TENM3: variants seen among roughly 807,000 people sequenced by gnomAD.
TENM3 encodes the protein teneurin transmembrane protein 3.
Under a neutral mutation model 255.1 loss-of-function variants are expected in TENM3, and 63 were observed. That is an observed-to-expected ratio of 0.25 (90% CI 0.20 to 0.30). The LOEUF (loss-of-function observed/expected upper bound fraction) is 0.30, where lower values mean the gene tolerates loss of function less well. TENM3 is among the 10% of genes least tolerant of loss of function. The probability of loss-of-function intolerance (pLI) is 1.00; values close to 1 mark genes in which losing one functional copy is unlikely to be tolerated. For missense variants in TENM3, 2,929 were observed against 3,461.1 expected, an observed-to-expected ratio of 0.85 and a Z score of 3.86; for synonymous variants, 1,306 against 1,322.3, an observed-to-expected ratio of 0.99 and a Z score of 0.27.
At chr4:182,649,444 A>G (rs1561054249) in intron 5 of TENM3, among the ~76,000 whole-genome samples, 1 of 150,482 alleles carries the variant, frequency 6.6e-6, no homozygotes, top group African/African-American at 2.4e-5. Context: ...ATATGAATCC[A>G]GGCACTTTCA....
At chr4:181,709,803 T>C in the TENM3 span, among the ~76,000 whole-genome samples, 771 of 152,320 alleles carry the variant, frequency 5.1e-3, 4 homozygotes, top group African/African-American at 0.014. Context: ...GACTTATTTT[T>C]TGAAGTAGCG....
At chr4:181,919,182 C>T in the TENM3 span, among the ~76,000 whole-genome samples, 75 of 152,184 alleles carry the variant, frequency 4.9e-4, no homozygotes, top group African/African-American at 1.8e-3. Context: ...TCCTTGTAAA[C>T]TTAATTCAGT....
At chr4:182,221,859 C>A (rs1455548783) in intron 1 of TENM3, among the ~76,000 whole-genome samples, 2 of 152,072 alleles carry the variant, frequency 1.3e-5, no homozygotes, top group Non-Finnish European at 2.9e-5. Flanking sequence ...TTGAAAATAC[C>A]TTTTGCATTT....
intron 7 of TENM3, among the ~76,000 whole-genome samples, chr4:182,676,125 C>T (rs1182255849): frequency 1.3e-5 from 2 of 152,164 alleles, no homozygotes; most frequent in Non-Finnish European, 2.9e-5. Context: ...AATAAATCAA[C>T]CTGAAATAAT....
chr4:182,690,926 A>G (rs1019705000), intron 12 of TENM3, among the ~76,000 whole-genome samples: 2 of 152,218 alleles, frequency 1.3e-5, no homozygotes, highest in Non-Finnish European at 2.9e-5. Flanking sequence ...TATGAATAAC[A>G]TTGTGGGAAA....
the TENM3 span, among the ~76,000 whole-genome samples, chr4:182,037,280 TG>T: frequency 6.6e-6 from 1 of 152,070 alleles, no homozygotes; most frequent in Non-Finnish European, 1.5e-5. Context: ...CCTGAGTAGC[TG>T]GGACTTACAG....
chr4:181,903,116 A>T, the TENM3 span, among the ~76,000 whole-genome samples: 1 of 152,138 alleles, frequency 6.6e-6, no homozygotes, highest in Non-Finnish European at 1.5e-5. Context: ...GCAAATAGTC[A>T]CTGGATGCCC....
intron 26 of TENM3, among the ~76,000 whole-genome samples, chr4:182,796,309 T>C (rs1023553264): frequency 6.6e-6 from 1 of 152,258 alleles, no homozygotes; most frequent in Non-Finnish European, 1.5e-5. Flanking sequence ...TCTACAAGTA[T>C]GTCTCTCTCC....
chr4:182,315,159 A>G (rs1488213854), intron 1 of TENM3, among the ~76,000 whole-genome samples: 2 of 152,230 alleles, frequency 1.3e-5, no homozygotes, highest in Non-Finnish European at 2.9e-5. Flanking sequence ...TTAGTTATCT[A>G]TATTTAAGGA....
chr4:181,788,572 C>T, the TENM3 span, among the ~76,000 whole-genome samples: 3 of 152,072 alleles, frequency 2.0e-5, no homozygotes, highest in African/African-American at 2.4e-5. Flanking sequence ...AGGTACAGTG[C>T]GGAAAGTGTC....
chr4:182,482,508 A>G (rs1172763284), intron 3 of TENM3, among the ~76,000 whole-genome samples: 2 of 152,224 alleles, frequency 1.3e-5, no homozygotes, highest in Non-Finnish European at 2.9e-5. Context: ...ATATATCAAT[A>G]TGATTAAATT....
chr4:182,755,235 A>C lies in TENM3; in HGVS notation c.4868A>C (p.Glu1623Ala). 1 of 1,604,050 alleles carries C rather than the reference A, an allele frequency of 6.2e-7. No individual in the cohort carries two copies. The highest frequency in any genetic ancestry group is 8.5e-7 in the Non-Finnish European group (1 of 1,178,224). Residue 1623 changes from glutamate (E) to alanine (A), a missense_variant, in exon 22 of 28, where the codon GAA (glutamate) becomes GCA (alanine). Physicochemically the swap from Glu to Ala is moderately radical, Grantham distance 107 (BLOSUM62 -1). Coordinates refer to ENST00000511685, the MANE Select transcript of TENM3 (RefSeq NM_001080477.4). ...NSGLLATKSD[E>A]TGWTTFFDYD... ...GGCCTTTTAGCCACTAAAAGTGATGAAACTGGATGGACAACGTTTTTTGAG... is the reference window on the plus strand; with the variant it reads ...GGCCTTTTAGCCACTAAAAGTGATGCAACTGGATGGACAACGTTTTTTGAG...
chr4:182,576,817 G>A lies in TENM3; in HGVS notation c.512-24107G>A, dbSNP rs149579333. Among the ~76,000 whole-genome samples the A allele has an allele frequency of 1.8e-3, 277 of 152,248 alleles. 1 individual carries two copies. The highest frequency in any genetic ancestry group is 6.4e-3 in the African/African-American group (265 of 41,550). On this transcript the variant is annotated intron_variant, in intron 3 of 27. Coordinates refer to ENST00000511685, the MANE Select transcript of TENM3 (RefSeq NM_001080477.4). Reference sequence around the variant, plus strand: ...CCTCCACACTGCTGTTAGGGTAGTCGTCATAAAATGTGTCTCTGACCTTAT... The same window carrying A: ...CCTCCACACTGCTGTTAGGGTAGTCATCATAAAATGTGTCTCTGACCTTAT...
chr4:181,697,476 C>T, the TENM3 span, among the ~76,000 whole-genome samples: 33 of 152,290 alleles, frequency 2.2e-4, 1 homozygote, highest in African/African-American at 7.5e-4. Context: ...TCTCTGCAAC[C>T]TCCGCCTCTC....
intron 1 of TENM3, among the ~76,000 whole-genome samples, chr4:182,224,256 A>T (rs1053205302): frequency 2.0e-5 from 3 of 152,192 alleles, no homozygotes; most frequent in African/African-American, 7.2e-5. Context: ...AATAAGAATA[A>T]AAGTGACAAA....
At chr4:182,536,284 A>G (rs1354498918) in intron 3 of TENM3, among the ~76,000 whole-genome samples, 10 of 152,252 alleles carry the variant, frequency 6.6e-5, no homozygotes. Flanking sequence ...AGCCATTCTT[A>G]TAAAATTAAC....
chr4:182,606,551 T>C (rs1291668830), intron 4 of TENM3, among the ~76,000 whole-genome samples: 28 of 131,328 alleles, frequency 2.1e-4, no homozygotes, highest in Admixed American at 1.9e-3. Context: ...AAAAAAAAGG[T>C]AGCGTATATA....
At chr4:181,484,843 GC>G in the TENM3 span, among the ~76,000 whole-genome samples, 1 of 151,998 alleles carries the variant, frequency 6.6e-6, no homozygotes, top group East Asian at 1.9e-4. Flanking sequence ...TTTATGTAAG[GC>G]CGGGCTAGCT....
intron 1 of TENM3, among the ~76,000 whole-genome samples, chr4:182,310,622 C>G (rs940940482): frequency 2.2e-4 from 33 of 152,030 alleles, no homozygotes; most frequent in African/African-American, 8.0e-4. Context: ...GACCCCACGA[C>G]TGGGGTCTGT....
Sources: gnomAD v4.1 joint callset for allele counts (sites outside exome capture counted in the v4.1 genomes callset) on GRCh38, gnomAD v4.1.1 for gene constraint, MANE v1.5 for transcripts, NCBI Gene and HGNC (gene_info 2026-07-23, HGNC 2026-07-21) for gene names.